The following CFAP20DC variants were observed in gnomAD, a reference collection of about 807,000 sequenced individuals.
CFAP20DC encodes CFAP20 domain containing, also known as protein CFAP20DC.
Under a neutral mutation model 101.7 loss-of-function variants are expected in CFAP20DC, and 84 were observed. The observed-to-expected ratio is 0.83, with a 90% CI of 0.69 to 0.99. CFAP20DC has a LOEUF of 0.99. Ranked by LOEUF, CFAP20DC falls within the 50% of genes least tolerant of loss-of-function variation. The pLI, the probability that CFAP20DC is intolerant of heterozygous loss-of-function variation, is 0.00. For synonymous variants in CFAP20DC, 359 were observed against 351.2 expected, an observed-to-expected ratio of 1.02 and a Z score of -0.25; for missense variants, 1,007 against 970.3, an observed-to-expected ratio of 1.04 and a Z score of -0.50.
intron 3 of CFAP20DC, among the ~76,000 whole-genome samples, chr3:59,042,505 T>C (rs1346584082): frequency 1.3e-5 from 2 of 151,934 alleles, no homozygotes; most frequent in African/African-American, 4.8e-5. Flanking sequence ...CACTGGACTA[T>C]GTTTCAAAAC....
chr3:58,736,744 T>C (rs1029726025), intron 3 of CFAP20DC, among the ~76,000 whole-genome samples: 2 of 152,162 alleles, frequency 1.3e-5, no homozygotes, highest in African/African-American at 2.4e-5. Flanking sequence ...AGCATAAACA[T>C]TGACAATGAT....
At chr3:58,814,989 C>A (rs1355958973) in intron 14 of CFAP20DC, among the ~76,000 whole-genome samples, 2 of 151,244 alleles carry the variant, frequency 1.3e-5, no homozygotes, top group African/African-American at 4.9e-5. Context: ...ACTTTCTTCA[C>A]AGAATTGGAA....
chr3:58,951,717 T>C (rs904006572), intron 4 of CFAP20DC, among the ~76,000 whole-genome samples: 4 of 148,792 alleles, frequency 2.7e-5, no homozygotes, highest in Non-Finnish European at 5.9e-5. Flanking sequence ...TGAGATCACA[T>C]GGACACAGGA....
intron 12 of CFAP20DC, among the ~76,000 whole-genome samples, chr3:58,855,383 T>C (rs1433510592): frequency 1.3e-5 from 2 of 152,166 alleles, no homozygotes; most frequent in Non-Finnish European, 2.9e-5. Context: ...TTTTACACTG[T>C]TGCTGGGACT....
intron 6 of CFAP20DC, among the ~76,000 whole-genome samples, chr3:58,896,774 G>C (rs1443865210): frequency 6.6e-6 from 1 of 152,038 alleles, no homozygotes; most frequent in Non-Finnish European, 1.5e-5. Context: ...CAATTCTTTT[G>C]CATTTGCTTA....
Position 58,899,428 on chromosome 3 carries a change from G to C in CFAP20DC, c.550+14280C>G, listed in dbSNP as rs895143690. On this transcript the variant is annotated intron_variant, in intron 6 of 16. Transcript: ENST00000482387. This position sits in a 1 kb window ranked among gnomAD's most constrained non-coding sequence, Gnocchi z 5.0. ...CTTAATTTGTGAGACACTGTGGAAG[G>C]GGGGCCTGCAGAACATGCTGCTTGG... Among the ~76,000 whole-genome samples the C allele has an allele frequency of 2.0e-5, 3 of 152,194 alleles. No homozygotes were observed. The highest frequency in any genetic ancestry group is 6.5e-5 in the Admixed American group (1 of 15,284).
chr3:59,047,959 C>T (rs752588192), intron 1 of CFAP20DC, among the ~76,000 whole-genome samples: 1 of 152,092 alleles, frequency 6.6e-6, no homozygotes, highest in Non-Finnish European at 1.5e-5. Flanking sequence ...GATATTTTTA[C>T]GTATGTAATA....
At chr3:58,794,981 C>T (rs2073132195) in intron 15 of CFAP20DC, among the ~76,000 whole-genome samples, 1 of 152,132 alleles carries the variant, frequency 6.6e-6, no homozygotes, top group Non-Finnish European at 1.5e-5. Flanking sequence ...CATGAGTCTA[C>T]GGATGTGACT....
intron 5 of CFAP20DC, among the ~76,000 whole-genome samples, chr3:58,935,630 A>G (rs1247022247): frequency 6.6e-6 from 1 of 152,188 alleles, no homozygotes; most frequent in Non-Finnish European, 1.5e-5. Flanking sequence ...CATATCTACA[A>G]CTATCTGATC....
At chr3:58,972,522 G>A (rs1243141966) in intron 4 of CFAP20DC, among the ~76,000 whole-genome samples, 1 of 152,136 alleles carries the variant, frequency 6.6e-6, no homozygotes, top group Non-Finnish European at 1.5e-5. Flanking sequence ...AAATACACTG[G>A]TGCCATTTTT....
intron 3 of CFAP20DC, among the ~76,000 whole-genome samples, chr3:59,043,216 C>T (rs577149077): frequency 2.3e-4 from 35 of 150,940 alleles, no homozygotes; most frequent in African/African-American, 8.0e-4. Flanking sequence ...AGAGTGCCAA[C>T]GACTGAGTCC....
intron 4 of CFAP20DC, among the ~76,000 whole-genome samples, chr3:58,972,546 T>C (rs2092011932): frequency 6.6e-6 from 1 of 152,176 alleles, no homozygotes; most frequent in Non-Finnish European, 1.5e-5. Context: ...TATTCTTTTA[T>C]CTTATAAAAT....
chr3:58,904,517 T>C (rs1409928732), intron 6 of CFAP20DC, among the ~76,000 whole-genome samples: 1 of 152,128 alleles, frequency 6.6e-6, no homozygotes, highest in African/African-American at 2.4e-5. Flanking sequence ...AAATAGAGCC[T>C]TAAACTAATG....
At chr3:59,044,007 A>G (rs146111187) in intron 3 of CFAP20DC, among the ~76,000 whole-genome samples, 1 of 152,324 alleles carries the variant, frequency 6.6e-6, no homozygotes, top group Non-Finnish European at 1.5e-5. Flanking sequence ...CTGATAAGTA[A>G]TATCACAATT....
At chr3:58,838,322 C>A (rs1440701800) in intron 13 of CFAP20DC, among the ~76,000 whole-genome samples, 1 of 152,140 alleles carries the variant, frequency 6.6e-6, no homozygotes, top group Non-Finnish European at 1.5e-5. Flanking sequence ...ATGTTCATGG[C>A]AGGCACATGG....
intron 3 of CFAP20DC, among the ~76,000 whole-genome samples, chr3:58,731,218 A>C (rs2067640100): frequency 1.3e-5 from 2 of 152,180 alleles, no homozygotes; most frequent in Non-Finnish European, 2.9e-5. Flanking sequence ...TGAAGGATGG[A>C]AAGAGGGTTA....
chr3:58,999,808 T>G (rs1448066453), intron 4 of CFAP20DC, among the ~76,000 whole-genome samples: 6 of 124,112 alleles, frequency 4.8e-5, no homozygotes, highest in African/African-American at 1.9e-4. Context: ...ACTGTTGCCA[T>G]GAAAACTGTC....
chr3:58,772,848 A>G (rs1179880124), intron 15 of CFAP20DC, among the ~76,000 whole-genome samples: 1 of 152,214 alleles, frequency 6.6e-6, no homozygotes, highest in East Asian at 1.9e-4. Context: ...GAAAAAATAT[A>G]TGCATAACAA....
chr3:58,783,481 C>T (rs1051716957), intron 15 of CFAP20DC, among the ~76,000 whole-genome samples: 5 of 151,726 alleles, frequency 3.3e-5, no homozygotes, highest in Admixed American at 6.6e-5. Flanking sequence ...CAAAAACCAA[C>T]CAACCAAACA....
Sources: allele counts gnomAD v4.1 joint callset (sites outside exome capture counted in the v4.1 genomes callset), GRCh38; gene constraint gnomAD v4.1.1; non-coding constraint Gnocchi (gnomAD v3.1); transcripts MANE v1.5; gene names NCBI Gene and HGNC (gene_info 2026-07-23, HGNC 2026-07-21).